Variants in NFIA observed in about 807,000 individuals in gnomAD.
The protein encoded by NFIA is nuclear factor 1 A-type.
NFIA carries 8 observed loss-of-function variants against 62.8 expected under a neutral mutation model. The observed-to-expected ratio is 0.13, with a 90% CI of 0.07 to 0.23. The LOEUF is 0.23. Among genes scored for constraint, NFIA ranks in the 10% least tolerant of loss-of-function variants. The probability of loss-of-function intolerance (pLI) is 1.00; values close to 1 mark genes in which losing one functional copy is unlikely to be tolerated. For synonymous variants in NFIA, 235 were observed against 238.1 expected (o/e 0.99, Z 0.12); for missense variants, 410 against 642.1 (o/e 0.64, Z 3.91).
chr1:61,237,430 T>G (rs1390281815), intron 2 of NFIA, among the ~76,000 whole-genome samples: 3 of 152,176 alleles, frequency 2.0e-5, no homozygotes, highest in African/African-American at 7.2e-5. Flanking sequence ...AAGAATTAGT[T>G]TGACAATTGA....
At chr1:61,448,500 C>G (rs149338917) in intron 10 of NFIA, among the ~76,000 whole-genome samples, 132 of 152,328 alleles carry the variant, frequency 8.7e-4, no homozygotes, top group African/African-American at 2.6e-3. Context: ...CCAGCTACCC[C>G]TGGCTTTCTG....
chr1:61,395,303 T>TA (rs1665212308), intron 7 of NFIA, among the ~76,000 whole-genome samples: 1 of 151,320 alleles, frequency 6.6e-6, no homozygotes, highest in African/African-American at 2.4e-5. Context: ...TTTTTTTTTT[T>TA]AATGCAGGAA....
intron 2 of NFIA, among the ~76,000 whole-genome samples, chr1:61,238,116 A>T (rs533583764): frequency 6.6e-6 from 1 of 152,300 alleles, no homozygotes; most frequent in East Asian, 1.9e-4. Flanking sequence ...TGTGATTAAG[A>T]CCCCAAGGAG....
intron 2 of NFIA, among the ~76,000 whole-genome samples, chr1:61,217,709 C>G (rs333143): frequency 0.16 from 24,066 of 152,110 alleles, 1,960 homozygotes; most frequent in East Asian, 0.2. Flanking sequence ...CTTTACTTTG[C>G]AGGGGAAAGG....
intron 2 of NFIA, among the ~76,000 whole-genome samples, chr1:61,274,713 C>A (rs1254292419): frequency 2.6e-5 from 4 of 152,148 alleles, no homozygotes; most frequent in African/African-American, 9.7e-5. Context: ...TGTTAACCTT[C>A]TTGATAGTGT....
chr1:61,148,028 C>A (rs1479637312), intron 2 of NFIA, among the ~76,000 whole-genome samples: 3 of 152,072 alleles, frequency 2.0e-5, no homozygotes, highest in Admixed American at 6.6e-5. Flanking sequence ...GGGGTGTTTT[C>A]TTGTATTCCA....
chr1:61,349,967 T>G (rs1320361542), intron 4 of NFIA, among the ~76,000 whole-genome samples: 1 of 152,140 alleles, frequency 6.6e-6, no homozygotes, highest in South Asian at 2.1e-4. Flanking sequence ...CCTTTGAGTT[T>G]AGTCCCCATC....
intron 2 of NFIA, chr1:61,248,900 G>C (rs1655827707): frequency 6.6e-6 from 1 of 152,188 alleles, no homozygotes; most frequent in Non-Finnish European, 1.5e-5. Context: ...CAAATGTAAA[G>C]GTAGCATCTC....
At chr1:61,231,917 A>G (rs1230146289) in intron 2 of NFIA, among the ~76,000 whole-genome samples, 1 of 152,152 alleles carries the variant, frequency 6.6e-6, no homozygotes, top group East Asian at 1.9e-4. Flanking sequence ...TTGCATTCTG[A>G]GAGGGCCTAT....
intron 2 of NFIA, among the ~76,000 whole-genome samples, chr1:61,237,301 G>A (rs989453455): frequency 2.0e-5 from 3 of 152,158 alleles, no homozygotes; most frequent in Non-Finnish European, 4.4e-5. Flanking sequence ...ATTTCCATAG[G>A]TTATTGGGGA....
At chr1:61,094,095 A>G (rs1243853234) in intron 2 of NFIA, among the ~76,000 whole-genome samples, 3 of 152,264 alleles carry the variant, frequency 2.0e-5, no homozygotes, top group Admixed American at 1.3e-4. Context: ...AAGAAAAAAC[A>G]TAAAATGCAG....
chr1:61,443,185 A>G (rs553844725), intron 10 of NFIA, among the ~76,000 whole-genome samples: 5 of 152,210 alleles, frequency 3.3e-5, no homozygotes, highest in Non-Finnish European at 5.9e-5. Context: ...AGAAAAGGCC[A>G]TGATCTAGCA....
rs1194764708 is a variant in NFIA, at chr1:61,352,534, TGAG to T, written c.790_792del (p.Arg264del). 6.2e-7 allele frequency: 1 copy of T among 1,613,952 alleles called. No homozygotes were observed. Among genetic ancestry groups the T allele is most frequent in the South Asian group, 1.1e-5 (1 of 91,058 alleles). On this transcript the variant is annotated inframe_deletion, in exon 5 of 11. Coordinates refer to ENST00000403491, the MANE Select transcript of NFIA (RefSeq NM_001134673.4). Reference sequence around the variant, plus strand: ...TACTACAGCATGAGTCCAGGAGCAATGAGGAGGTCTTTACCCAGCACATCCTCT... The same window carrying T: ...TACTACAGCATGAGTCCAGGAGCAATGAGGTCTTTACCCAGCACATCCTCT...
intron 6 of NFIA, among the ~76,000 whole-genome samples, chr1:61,369,404 A>G (rs1663765798): frequency 6.6e-6 from 1 of 151,964 alleles, no homozygotes; most frequent in African/African-American, 2.4e-5. Flanking sequence ...TGTAGTTGGA[A>G]GAGGAGGAAG....
At chr1:61,342,553 A>G (rs1661980471) in intron 4 of NFIA, among the ~76,000 whole-genome samples, 1 of 152,174 alleles carries the variant, frequency 6.6e-6, no homozygotes, top group Non-Finnish European at 1.5e-5. Context: ...AGCATTGCTA[A>G]CCCCTCTGTG....
chr1:61,216,766 G>A (rs906548054), intron 2 of NFIA, among the ~76,000 whole-genome samples: 2 of 152,150 alleles, frequency 1.3e-5, no homozygotes, highest in Non-Finnish European at 2.9e-5. Flanking sequence ...TTGGGAGGCC[G>A]AGGCAGGCAG....
At chr1:61,354,967 A>T (rs1369075255) in intron 5 of NFIA, among the ~76,000 whole-genome samples, 1 of 152,060 alleles carries the variant, frequency 6.6e-6, no homozygotes, top group South Asian at 2.1e-4. Context: ...AGTGGTAGAG[A>T]CTGAGAAGTG....
chr1:61,307,348 A>G (rs528509089), intron 3 of NFIA, among the ~76,000 whole-genome samples: 2 of 152,294 alleles, frequency 1.3e-5, no homozygotes, highest in East Asian at 3.9e-4. Context: ...GGTGTGATCT[A>G]TGAGGAAGAG....
intron 7 of NFIA, among the ~76,000 whole-genome samples, chr1:61,400,875 C>T (rs1388248257): frequency 6.6e-6 from 1 of 152,122 alleles, no homozygotes; most frequent in African/African-American, 2.4e-5. Context: ...ACAGTAAAAA[C>T]ATCCAAGATG....
Sources: allele counts gnomAD v4.1 joint callset (sites outside exome capture counted in the v4.1 genomes callset), GRCh38; gene constraint gnomAD v4.1.1; transcripts MANE v1.5; gene names NCBI Gene and HGNC (gene_info 2026-07-23, HGNC 2026-07-21).